The following ANKRD6 variants were observed in gnomAD, a reference collection of about 807,000 sequenced individuals.
ANKRD6 encodes the protein ankyrin repeat domain 6, also known as ankyrin repeat domain-containing protein 6.
In ANKRD6, 56 loss-of-function variants were observed where a neutral mutation model predicts 82.3. The observed-to-expected ratio is 0.68, with a 90% CI of 0.55 to 0.85. The LOEUF (loss-of-function observed/expected upper bound fraction) is 0.85, where lower values mean the gene tolerates loss of function less well. Ranked by LOEUF, ANKRD6 falls within the 40% of genes least tolerant of loss-of-function variation. The probability of loss-of-function intolerance (pLI) is 0.00; values close to 1 mark genes in which losing one functional copy is unlikely to be tolerated. For synonymous variants in ANKRD6, 347 were observed against 352.1 expected (o/e 0.99, Z 0.16); for missense variants, 852 against 907.6 (o/e 0.94, Z 0.79).
At chr6:89,487,714 A>C (rs2127828728) in intron 1 of ANKRD6, among the ~76,000 whole-genome samples, 1 of 152,262 alleles carries the variant, frequency 6.6e-6, no homozygotes, top group South Asian at 2.1e-4. Flanking sequence ...TTGGTTTTTC[A>C]CCTGTGCTTC....
chr6:89,557,737 C>T (rs1786811111), intron 1 of ANKRD6, among the ~76,000 whole-genome samples: 1 of 152,088 alleles, frequency 6.6e-6, no homozygotes, highest in African/African-American at 2.4e-5. Flanking sequence ...TACAGCTGCT[C>T]CCCATCACTT....
chr6:89,437,434 G>A (rs1770794952), intron 1 of ANKRD6, among the ~76,000 whole-genome samples: 1 of 152,110 alleles, frequency 6.6e-6, no homozygotes, highest in African/African-American at 2.4e-5. Context: ...TCTGAATAGG[G>A]CAGATGTGGA....
chr6:89,557,338 G>A (rs762181899), intron 1 of ANKRD6, among the ~76,000 whole-genome samples: 11 of 152,192 alleles, frequency 7.2e-5, no homozygotes, highest in South Asian at 6.2e-4. Context: ...GAGCAGAGAA[G>A]ATGCCCAAAA....
intron 1 of ANKRD6, among the ~76,000 whole-genome samples, chr6:89,474,369 T>C (rs1371352395): frequency 6.6e-6 from 1 of 152,220 alleles, no homozygotes; most frequent in Non-Finnish European, 1.5e-5. Flanking sequence ...GAATGTACAG[T>C]GATCCCTAAA....
intron 1 of ANKRD6, among the ~76,000 whole-genome samples, chr6:89,463,256 TTTG>T (rs997977132): frequency 4.9e-4 from 74 of 152,282 alleles, no homozygotes; most frequent in African/African-American, 1.7e-3. Context: ...TTCTGAGCAT[TTTG>T]TTATTAATTT....
chr6:89,538,240 C>G (rs1784083315), intron 1 of ANKRD6, among the ~76,000 whole-genome samples: 2 of 152,104 alleles, frequency 1.3e-5, no homozygotes, highest in African/African-American at 4.8e-5. Context: ...TTTCCCCTTG[C>G]AATTTTCTGT....
intron 1 of ANKRD6, among the ~76,000 whole-genome samples, chr6:89,552,867 TC>T (rs1786037295): frequency 6.6e-6 from 1 of 152,186 alleles, no homozygotes; most frequent in East Asian, 1.9e-4. Flanking sequence ...ATAGATTCTC[TC>T]CTTCCCTTGC....
At chr6:89,627,488 C>T in intron 13 of ANKRD6, 95 bp from the exon 14 acceptor site, 2 of 1,030,246 alleles carry the variant, frequency 1.9e-6, no homozygotes, top group Admixed American at 2.2e-5. Context: ...GCAGGGGCTC[C>T]TACTTGGTTC....
intron 1 of ANKRD6, among the ~76,000 whole-genome samples, chr6:89,454,285 T>C (rs780464933): frequency 6.6e-6 from 1 of 152,250 alleles, no homozygotes; most frequent in Non-Finnish European, 1.5e-5. Context: ...TATGTAACTC[T>C]GTTTACATTC....
intron 2 of ANKRD6, among the ~76,000 whole-genome samples, chr6:89,592,350 C>T (rs1407543968): frequency 6.6e-6 from 1 of 152,108 alleles, no homozygotes; most frequent in Admixed American, 6.5e-5. Flanking sequence ...TGGACGTTAC[C>T]TCGTGTCCTT....
intron 1 of ANKRD6, among the ~76,000 whole-genome samples, chr6:89,508,069 T>C (rs1780086906): frequency 6.6e-6 from 1 of 152,228 alleles, no homozygotes; most frequent in African/African-American, 2.4e-5. Flanking sequence ...TAAGCTTGCT[T>C]TATCACCTAG....
chr6:89,617,836 G>A (rs12204840), intron 8 of ANKRD6, 118 bp from the exon 9 acceptor site: 1 of 930,606 alleles, frequency 1.1e-6, no homozygotes, highest in South Asian at 1.5e-5. Flanking sequence ...TTGCCACGTA[G>A]GTGCTGGGTG....
intron 1 of ANKRD6, among the ~76,000 whole-genome samples, chr6:89,495,459 G>A (rs904508198): frequency 4.6e-5 from 7 of 152,170 alleles, no homozygotes; most frequent in African/African-American, 1.7e-4. Context: ...GCCCAGTACA[G>A]CTCTTTTGAT....
chr6:89,518,120 T>G (rs796790190), intron 1 of ANKRD6, among the ~76,000 whole-genome samples: 9 of 152,296 alleles, frequency 5.9e-5, no homozygotes, highest in African/African-American at 2.2e-4. Flanking sequence ...AAGTATCTTA[T>G]GGCCGGGCGT....
intron 7 of ANKRD6, among the ~76,000 whole-genome samples, chr6:89,614,850 A>AC (rs1365657243): frequency 3.5e-5 from 5 of 143,166 alleles, no homozygotes; most frequent in East Asian, 2.0e-4. Flanking sequence ...AAAAAAAAAA[A>AC]ACAAAAAAAA....
intron 1 of ANKRD6, among the ~76,000 whole-genome samples, chr6:89,558,036 A>C (rs751201691): frequency 6.6e-6 from 1 of 152,202 alleles, no homozygotes; most frequent in Non-Finnish European, 1.5e-5. Context: ...CCATAAATGT[A>C]ATGTGCTTGG....
intron 2 of ANKRD6, chr6:89,568,200 C>T (rs535095250): frequency 6.6e-6 from 1 of 152,308 alleles, no homozygotes; most frequent in South Asian, 2.1e-4. Flanking sequence ...CAGGCAATCA[C>T]AAATGGGAGA....
intron 1 of ANKRD6, among the ~76,000 whole-genome samples, chr6:89,556,261 T>G (rs1786583420): frequency 1.3e-5 from 2 of 152,354 alleles, no homozygotes. Flanking sequence ...AGCAGGAACT[T>G]GCCTCTCATT....
At chr6:89,627,784 G>A (rs1233615774) in intron 14 of ANKRD6, 88 bp downstream of exon 14, 7 of 1,107,058 alleles carry the variant, frequency 6.3e-6, no homozygotes, top group South Asian at 2.7e-5. Flanking sequence ...AAAACTCAGA[G>A]GCTGAGACTC....
Sources: allele counts gnomAD v4.1 joint callset (sites outside exome capture counted in the v4.1 genomes callset), GRCh38; gene constraint gnomAD v4.1.1; transcripts MANE v1.5; gene names NCBI Gene and HGNC (gene_info 2026-07-23, HGNC 2026-07-21).